The following CTSO variants were observed in gnomAD, a reference collection of about 807,000 sequenced individuals.
CTSO encodes the protein cathepsin O.
In CTSO, 40 loss-of-function variants were observed where a neutral mutation model predicts 42.4. That is an observed-to-expected ratio of 0.94 (90% confidence interval 0.73 to 1.23). The LOEUF is 1.23. Ranked by LOEUF, CTSO falls within the 50% of genes most tolerant of loss-of-function variation. The pLI, the probability that CTSO is intolerant of heterozygous loss-of-function variation, is 0.00. For synonymous variants in CTSO, 156 were observed against 146.2 expected (o/e 1.07, Z -0.48); for missense variants, 441 against 396.0 (o/e 1.11, Z -0.96).
At chr4:155,939,251 CT>C in intron 4 of CTSO, 119 bp downstream of exon 4, 1 of 820,858 alleles carries the variant, frequency 1.2e-6, no homozygotes, top group Non-Finnish European at 1.8e-6. Flanking sequence ...CTTTGATCAT[CT>C]ACATTTCCGA....
At chr4:155,950,639 A>G (rs1263381572) in intron 1 of CTSO, among the ~76,000 whole-genome samples, 1 of 152,156 alleles carries the variant, frequency 6.6e-6, no homozygotes, top group East Asian at 1.9e-4. Context: ...CAGGCTGCAC[A>G]GCAGGTGGTG....
chr4:155,944,453 T>C (rs1743504570), intron 1 of CTSO, among the ~76,000 whole-genome samples: 1 of 152,160 alleles, frequency 6.6e-6, no homozygotes, highest in Non-Finnish European at 1.5e-5. Context: ...AAATGACAAA[T>C]ATAAGCCAGA....
chr4:155,939,259 C>G (rs189092384), intron 4 of CTSO, 112 bp downstream of exon 4: 5 of 902,240 alleles, frequency 5.5e-6, no homozygotes, highest in Non-Finnish European at 8.0e-6. Flanking sequence ...ATCTACATTT[C>G]CGAACGTGGA....
chr4:155,939,142 C>A (rs910710000), intron 4 of CTSO, among the ~76,000 whole-genome samples: 2 of 152,136 alleles, frequency 1.3e-5, no homozygotes, highest in Non-Finnish European at 2.9e-5. Flanking sequence ...ATAAATATTT[C>A]TCTGAAGACA....
chr4:155,945,895 A>C (rs1743536388), intron 1 of CTSO, among the ~76,000 whole-genome samples: 1 of 152,208 alleles, frequency 6.6e-6, no homozygotes, highest in Non-Finnish European at 1.5e-5. Context: ...AGAACAAAAA[A>C]GGAATATACC....
chr4:155,928,912 T>A (rs1310049047), intron 6 of CTSO, among the ~76,000 whole-genome samples: 1 of 152,136 alleles, frequency 6.6e-6, no homozygotes, highest in Non-Finnish European at 1.5e-5. Flanking sequence ...GGCCATAAAC[T>A]GGTCCCAAAA....
Position 155,937,461 on chromosome 4 carries a change from T to C in CTSO, c.575A>G (p.Asp192Gly). Residue 192 changes from aspartate (D) to glycine (G), a missense_variant, in exon 5 of 8, where the codon GAT (aspartate) becomes GGT (glycine). By Grantham distance (94) the Asp-to-Gly change is moderately conservative. Coordinates refer to ENST00000433477, the MANE Select transcript of CTSO (RefSeq NM_001334.3). ...TTGTGCTTTAAAAGGATATTCTGAATCTTTCACCAGTTTTACTTGCATCTA... is the reference window on the plus strand; with the variant it reads ...TTGTGCTTTAAAAGGATATTCTGAACCTTTCACCAGTTTTACTTGCATCTA... ...LNKMQVKLVK[D>G]SEYPFKAQNG... is the part of the protein sequence containing the mutation. 1 of 1,613,248 alleles carries C rather than the reference T, an allele frequency of 6.2e-7. No individual in the cohort carries two copies.
At chr4:155,927,316 A>G (rs781570435) in intron 7 of CTSO, among the ~76,000 whole-genome samples, 1 of 152,238 alleles carries the variant, frequency 6.6e-6, no homozygotes, top group Non-Finnish European at 1.5e-5. Context: ...AAGAAATGAC[A>G]TGATTGCTCT....
intron 6 of CTSO, 41 bp downstream of exon 6, chr4:155,929,501 C>T (rs780078489): frequency 6.3e-7 from 1 of 1,575,590 alleles, no homozygotes; most frequent in South Asian, 1.2e-5. Flanking sequence ...CACTCAGTGT[C>T]CATGCTGGAA....
intron 7 of CTSO, 34 bp downstream of exon 7, chr4:155,928,302 A>C: frequency 7.0e-7 from 1 of 1,434,448 alleles, no homozygotes; most frequent in Non-Finnish European, 9.8e-7. Context: ...CTTAATATTT[A>C]TATTGAGGTT....
rs369199822 is a variant in CTSO, at chr4:155,942,313, G to A, written c.384+4C>T. 5.8e-6 allele frequency: 9 copies of A among 1,555,432 alleles called. No individual in the cohort carries two copies. Among genetic ancestry groups the A allele is most frequent in the South Asian group, 2.4e-5 (2 of 81,994 alleles). ...ATTAGAAAAGAAGAGGGATTTCAAC[G>A]TACCATCTGCTGGTTTCTCACTTGT... On this transcript the variant is annotated splice_donor_region_variant and intron_variant, in intron 3 of 7. Coordinates refer to ENST00000433477, the MANE Select transcript of CTSO (RefSeq NM_001334.3).
In CTSO at chr4:155,924,624, A is replaced by G. The variant is rs929392955; in HGVS notation, c.*1412T>C. On this transcript the variant is annotated 3_prime_UTR_variant, in exon 8 of 8. Coordinates refer to ENST00000433477, the MANE Select transcript of CTSO (RefSeq NM_001334.3). ...TACATTTTAGAGAAGAAATATGTACATACATAGTATCAGAAATAATTTTCT... is the reference window on the plus strand; with the variant it reads ...TACATTTTAGAGAAGAAATATGTACGTACATAGTATCAGAAATAATTTTCT... 5 of 152,104 alleles carry G rather than the reference A, an allele frequency of 3.3e-5. No homozygotes were observed. The highest frequency in any genetic ancestry group is 4.8e-5 in the African/African-American group (2 of 41,350). 9.4% of individuals were successfully genotyped at this position (152,104 alleles called of 1,614,324 possible). A position where few individuals can be genotyped will look rare whatever the true frequency, so the allele number is the denominator to read the frequency against.
chr4:155,933,326 C>T (rs559292015), intron 5 of CTSO, among the ~76,000 whole-genome samples: 45 of 152,224 alleles, frequency 3.0e-4, no homozygotes, highest in Non-Finnish European at 5.3e-4. Context: ...TGCCTTTCTC[C>T]TCCCGCCATG....
intron 3 of CTSO, among the ~76,000 whole-genome samples, chr4:155,941,857 C>G (rs1743435564): frequency 6.6e-6 from 1 of 152,168 alleles, no homozygotes; most frequent in African/African-American, 2.4e-5. Context: ...GCTTGAGAAC[C>G]CAGGAGATTC....
chr4:155,949,632 T>G (rs1393506377), intron 1 of CTSO, among the ~76,000 whole-genome samples: 1 of 152,226 alleles, frequency 6.6e-6, no homozygotes, highest in African/African-American at 2.4e-5. Flanking sequence ...GGATAAATCA[T>G]AAATTGTACA....
chr4:155,933,666 A>G (rs562889547), intron 5 of CTSO, among the ~76,000 whole-genome samples: 66 of 152,176 alleles, frequency 4.3e-4, no homozygotes, highest in Non-Finnish European at 7.1e-4. Flanking sequence ...GTGGTTTCAG[A>G]TGGAGATGAG....
chr4:155,943,134 A>G, intron 2 of CTSO, 22 bp downstream of exon 2: 1 of 1,413,086 alleles, frequency 7.1e-7, no homozygotes, highest in Non-Finnish European at 9.8e-7. Context: ...GAAACCACCT[A>G]AATAGCAACA....
chr4:155,924,375 T>A lies in CTSO; in HGVS notation c.*1661A>T, dbSNP rs1743094280. On this transcript the variant is annotated 3_prime_UTR_variant, in exon 8 of 8. Transcript: ENST00000433477. ...TCAATATCTGTCTTCCTGAAATAAC[T>A]CCAAACCTGAGTCAACACACATTCT... 6.6e-6 allele frequency: 1 copy of A among 152,166 alleles called. No homozygotes were observed. The highest frequency in any genetic ancestry group is 2.4e-5 in the African/African-American group (1 of 41,444). 9.4% of individuals were successfully genotyped at this position (152,166 alleles called of 1,614,324 possible). A position where few individuals can be genotyped will look rare whatever the true frequency, so the allele number is the denominator to read the frequency against.
chr4:155,932,200 G>T (rs6853469), intron 5 of CTSO, among the ~76,000 whole-genome samples: 116,223 of 152,048 alleles, frequency 0.76, 47,196 homozygotes, highest in East Asian at 0.9. Flanking sequence ...TATTTTAGAT[G>T]ATTTTTTTCC....
Sources: gnomAD v4.1 joint callset for allele counts (sites outside exome capture counted in the v4.1 genomes callset) on GRCh38, gnomAD v4.1.1 for gene constraint, MANE v1.5 for transcripts, NCBI Gene and HGNC (gene_info 2026-07-23, HGNC 2026-07-21) for gene names.